Variants in EMC1 observed in about 807,000 individuals in gnomAD.
EMC1 encodes KIAA0090.
A neutral mutation model predicts 128.8 loss-of-function variants in EMC1; 103 were observed. The observed-to-expected ratio is 0.80, with a 90% CI of 0.68 to 0.94. EMC1 has a LOEUF of 0.94. EMC1 is among the 40% of genes least tolerant of loss of function. EMC1 has a pLI of 0.00. For synonymous variants in EMC1, 442 were observed against 490.4 expected (o/e 0.90, Z 1.30); for missense variants, 1,083 against 1,250.6 (o/e 0.87, Z 2.02).
In EMC1 at chr1:19,244,978, C is replaced by T; in HGVS notation, c.148G>A (p.Gly50Arg). 1 of 1,613,890 alleles carries T rather than the reference C, an allele frequency of 6.2e-7. No homozygotes were observed. The highest frequency in any genetic ancestry group is 8.5e-7 in the Non-Finnish European group (1 of 1,179,880). ...GTGGCTACAACCAACTTCTTGGATC[C>T]AGGGGAAAATTCCAAGGAGGCAAAC... Reference protein sequence around the residue: ...VKFASLEFSPGSKKLVVATEK... With the variant: ...VKFASLEFSPRSKKLVVATEK... The change falls in exon 2 of 23, where the codon GGA (glycine) becomes AGA (arginine). Residue 50 changes from glycine (G) to arginine (R), a missense_variant. Around this residue, in one of 3 missense-constraint regions of EMC1, gnomAD observed 544 missense variants for 572.4 expected, o/e 0.95. Transcript: ENST00000477853.
intron 18 of EMC1, among the ~76,000 whole-genome samples, chr1:19,226,873 C>T (rs2093478407): frequency 1.3e-5 from 2 of 151,978 alleles, no homozygotes; most frequent in African/African-American, 4.8e-5. Flanking sequence ...CAAGCCCAGC[C>T]GTTTTTAAAA....
At chr1:19,246,933 T>G (rs2093634477) in intron 1 of EMC1, among the ~76,000 whole-genome samples, 2 of 152,218 alleles carry the variant, frequency 1.3e-5, no homozygotes, top group African/African-American at 4.8e-5. Context: ...TAATTATGTT[T>G]TAATAAAGTC....
In EMC1 at chr1:19,227,374, C is replaced by T. The variant is rs896315803; in HGVS notation, c.2141G>A (p.Arg714His). The change falls in exon 18 of 23, where the codon CGC (arginine) becomes CAC (histidine). Residue 714 changes from arginine to histidine, a missense_variant. Physicochemically the swap from Arg to His is conservative, Grantham distance 29. This residue lies in a region of EMC1 where 527 missense variants were observed against 644.1 expected (regional missense o/e 0.82). Transcript: ENST00000477853. ...CTGGGAATGAACGTGCTCACTGCTGCGTTTCCCCTTCACCTTGACGATCCG... is the reference window on the plus strand; with the variant it reads ...CTGGGAATGAACGTGCTCACTGCTGTGTTTCCCCTTCACCTTGACGATCCG... Reference protein sequence around the residue: ...VQRIVKVKGKRSSEHVHSQGR... With the variant: ...VQRIVKVKGKHSSEHVHSQGR... 1.1e-5 allele frequency: 17 copies of T among 1,614,200 alleles called. No individual in the cohort carries two copies. The highest frequency in any genetic ancestry group is 3.3e-4 in the Middle Eastern group (2 of 6,062).
chr1:19,237,089 C>A, intron 12 of EMC1, 53 bp downstream of exon 12: 1 of 1,269,936 alleles, frequency 7.9e-7, no homozygotes, highest in Non-Finnish European at 1.1e-6. Context: ...CTGATTGGAA[C>A]ACATTGGAAG....
chr1:19,222,488 G>GAT (rs1430312285), intron 20 of EMC1, 136 bp downstream of exon 20: 1 of 716,522 alleles, frequency 1.4e-6, no homozygotes, highest in Non-Finnish European at 2.4e-6. Context: ...TTTTTCCACC[G>GAT]ATATATAGCC....
At chr1:19,231,035 CTGCAAATCAGTTGATT>C (rs2093517379) in intron 16 of EMC1, 72 bp from the exon 17 acceptor site, 1 of 1,576,966 alleles carries the variant, frequency 6.3e-7, no homozygotes, top group African/African-American at 1.4e-5. Flanking sequence ...AAGAATAAAA[CTGCAAATCAGTTGATT>C]TGAACTCAGT....
In EMC1 at chr1:19,223,456, G is replaced by A; in HGVS notation, c.2316C>T (p.Ser772=). ...GGCCTTTGGCTTTCTTCTGCACAGAGGAGTGAATGATACGCCCAGTGACGC... is the reference window on the plus strand; with the variant it reads ...GGCCTTTGGCTTTCTTCTGCACAGAAGAGTGAATGATACGCCCAGTGACGC... ...IDGVTGRIIH[S]SVQKKAKGPV... Residue 772 remains serine, a synonymous_variant, in exon 19 of 23, where the codon TCC becomes TCT. Coordinates refer to ENST00000477853, the MANE Select transcript of EMC1 (RefSeq NM_015047.3). 6.2e-7 allele frequency: 1 copy of A among 1,614,204 alleles called. No homozygotes were observed. Among genetic ancestry groups the A allele is most frequent in the Non-Finnish European group, 8.5e-7 (1 of 1,180,040 alleles).
chr1:19,241,635 C>A (rs183073157), intron 5 of EMC1, among the ~76,000 whole-genome samples: 146 of 152,282 alleles, frequency 9.6e-4, no homozygotes, highest in African/African-American at 3.3e-3. Context: ...CCCACCTCAG[C>A]CTCCCAAGTA....
At chr1:19,237,865 G>A in intron 11 of EMC1, 152 bp downstream of exon 11, 1 of 969,270 alleles carries the variant, frequency 1.0e-6, no homozygotes, top group East Asian at 2.7e-5. Context: ...CGCCTTTACT[G>A]TGACTTCTAA....
intron 2 of EMC1, 110 bp downstream of exon 2, chr1:19,244,796 G>A: frequency 2.4e-6 from 3 of 1,240,690 alleles, no homozygotes; most frequent in Non-Finnish European, 3.5e-6. Context: ...ACTAGGAGAG[G>A]CATCTTTTGG....
rs763161047 is a variant in EMC1 at position 19,232,734 on chromosome 1, T to C, written c.1672A>G (p.Lys558Glu). 1.9e-6 allele frequency: 3 copies of C among 1,614,156 alleles called. No homozygotes were observed. Among genetic ancestry groups the C allele is most frequent in the Non-Finnish European group, 2.5e-6 (3 of 1,180,030 alleles). Residue 558 changes from lysine to glutamate, a missense_variant, in exon 15 of 23, where the codon AAA becomes GAA. By Grantham distance (56) the Lys-to-Glu change is moderately conservative (BLOSUM62 1). This residue lies in a region of EMC1 where 527 missense variants were observed against 644.1 expected (regional missense o/e 0.82). Transcript: ENST00000477853. ...IESSSGTILW[K>E]QYLPNVKPDS... ...GGCTTGACATTGGGTAGATACTGTT[T>C]CCACAGGATGGTGCCAGAGCTGCTC...
In EMC1 at chr1:19,238,012, C is replaced by T. The variant is rs930672507; in HGVS notation, c.1212+5G>A. The T allele has an allele frequency of 3.1e-6, 5 of 1,613,036 alleles. No individual in the cohort carries two copies. On this transcript the variant is annotated splice_donor_5th_base_variant and intron_variant, in intron 11 of 22. Coordinates refer to ENST00000477853, the MANE Select transcript of EMC1 (RefSeq NM_015047.3). ...GACAGTCTGCAAAGAAAGGCTCTGCCTTACCCGCTCAGGCCGAGTGCCGCT... is the reference window on the plus strand; with the variant it reads ...GACAGTCTGCAAAGAAAGGCTCTGCTTTACCCGCTCAGGCCGAGTGCCGCT...
intron 18 of EMC1, among the ~76,000 whole-genome samples, chr1:19,226,420 C>A (rs1057432226): frequency 6.6e-6 from 1 of 151,648 alleles, no homozygotes; most frequent in African/African-American, 2.4e-5. Context: ...AGATAGAGAC[C>A]AACCTAGGCA....
chr1:19,229,225 C>T (rs2093501910), intron 17 of EMC1: 1 of 152,140 alleles, frequency 6.6e-6, no homozygotes, highest in Non-Finnish European at 1.5e-5. Context: ...TGCTTGTTCA[C>T]CTCTCTGTAT....
intron 7 of EMC1, 85 bp from the exon 8 acceptor site, chr1:19,240,070 G>T: frequency 7.1e-7 from 1 of 1,403,008 alleles, no homozygotes; most frequent in Non-Finnish European, 9.6e-7. Flanking sequence ...GCCCTACTTT[G>T]CCGGGGGAAG....
At chr1:19,220,954 A>C in intron 20 of EMC1, 106 bp from the exon 21 acceptor site, 1 of 756,852 alleles carries the variant, frequency 1.3e-6, no homozygotes, top group Non-Finnish European at 2.2e-6. Flanking sequence ...AAACAAAAAA[A>C]TGGGTCAATG....
chr1:19,243,666 A>G lies in EMC1; in HGVS notation c.328T>C (p.Trp110Arg). 1 of 1,614,212 alleles carries G rather than the reference A, an allele frequency of 6.2e-7. No individual in the cohort carries two copies. Among genetic ancestry groups the G allele is most frequent in the Non-Finnish European group, 8.5e-7 (1 of 1,180,036 alleles). Residue 110 changes from tryptophan (W) to arginine (R), a missense_variant, in exon 4 of 23, where the codon TGG (tryptophan) becomes CGG (arginine). Trp to Arg is a moderately radical substitution (Grantham distance 101). This residue lies in a region of EMC1 where 544 missense variants were observed against 572.4 expected (regional missense o/e 0.95). Coordinates refer to ENST00000477853, the MANE Select transcript of EMC1 (RefSeq NM_015047.3). ...TTCAGGCCCCCGATGTTAGTCTCCCAGGAACGCATGATTCGGCCTCCATTG... is the reference window on the plus strand; with the variant it reads ...TTCAGGCCCCCGATGTTAGTCTCCCGGGAACGCATGATTCGGCCTCCATTG... ...VSNGGRIMRS[W>R]ETNIGGLNWE... is the part of the protein sequence containing the mutation.
chr1:19,245,365 C>T (rs568223184), intron 1 of EMC1, among the ~76,000 whole-genome samples: 11 of 152,062 alleles, frequency 7.2e-5, no homozygotes, highest in Admixed American at 2.6e-4. Context: ...TGCTGGAACC[C>T]GGGAGGCGGA....
At chr1:19,222,423 G>A (rs1441884991) in intron 20 of EMC1, among the ~76,000 whole-genome samples, 1 of 152,110 alleles carries the variant, frequency 6.6e-6, no homozygotes, top group East Asian at 1.9e-4. Context: ...AAAAAAAGAT[G>A]AGAACTGAGA....
Sources: allele counts gnomAD v4.1 joint callset (sites outside exome capture counted in the v4.1 genomes callset), GRCh38; gene constraint gnomAD v4.1.1; regional missense constraint gnomAD v4.1.1; transcripts MANE v1.5; gene names NCBI Gene and HGNC (gene_info 2026-07-23, HGNC 2026-07-21).